The following ACTR5 variants were observed in gnomAD, a reference collection of about 807,000 sequenced individuals.
ACTR5 encodes actin-related protein 5.
ACTR5 carries 43 observed loss-of-function variants against 61.2 expected under a neutral mutation model. The observed-to-expected ratio is 0.70, with a 90% CI of 0.55 to 0.91. ACTR5 has a LOEUF of 0.91. Among genes scored for constraint, ACTR5 ranks in the 40% least tolerant of loss-of-function variants. The pLI, the probability that ACTR5 is intolerant of heterozygous loss-of-function variation, is 0.00. For missense variants in ACTR5, 798 were observed against 782.2 expected, an observed-to-expected ratio of 1.02 and a Z score of -0.24; for synonymous variants, 333 against 310.5, an observed-to-expected ratio of 1.07 and a Z score of -0.76.
chr20:38,770,428 A>G (rs978445858), intron 8 of ACTR5, among the ~76,000 whole-genome samples: 2 of 152,240 alleles, frequency 1.3e-5, no homozygotes, highest in Non-Finnish European at 2.9e-5. Flanking sequence ...TATACTTTCC[A>G]GTCGTTTTCA....
At chr20:38,753,100 A>C (rs1019469498) in intron 3 of ACTR5, among the ~76,000 whole-genome samples, 1 of 152,244 alleles carries the variant, frequency 6.6e-6, no homozygotes, top group African/African-American at 2.4e-5. Flanking sequence ...ATAATTGATG[A>C]GGACACTCAG....
chr20:38,752,429 T>G, intron 3 of ACTR5, 129 bp downstream of exon 3: 1 of 1,073,200 alleles, frequency 9.3e-7, no homozygotes, highest in Non-Finnish European at 1.3e-6. Context: ...ATTCCCTTTC[T>G]TAAACTATTC....
chr20:38,764,872 G>T (rs1254515828), intron 5 of ACTR5, among the ~76,000 whole-genome samples: 1 of 152,178 alleles, frequency 6.6e-6, no homozygotes, highest in Admixed American at 6.5e-5. Context: ...GTTTCACTCT[G>T]TTGCCCACGC....
In ACTR5 at chr20:38,756,020, T is replaced by G; in HGVS notation, c.1157T>G (p.Val386Gly). ...LQAEVNLEVD[V>G]VDSKPETPDL... Reference sequence around the variant, plus strand: ...GCGGAAGTCAACCTCGAGGTGGATGTGGTAGACAGCAAGCCAGAGGTAACT... The same window carrying G: ...GCGGAAGTCAACCTCGAGGTGGATGGGGTAGACAGCAAGCCAGAGGTAACT... Residue 386 changes from valine to glycine, a missense_variant, in exon 5 of 9, where the codon GTG becomes GGG. By Grantham distance (109) the Val-to-Gly change is moderately radical. Coordinates refer to ENST00000243903, the MANE Select transcript of ACTR5 (RefSeq NM_024855.4). The G allele has an allele frequency of 6.2e-7, 1 of 1,612,932 alleles. No homozygotes were observed.
chr20:38,765,281 A>G, intron 5 of ACTR5, 121 bp from the exon 6 acceptor site: 1 of 713,416 alleles, frequency 1.4e-6, no homozygotes, highest in African/African-American at 1.8e-5. Context: ...AAATTTTCAT[A>G]GTTTTTATGT....
Position 38,750,208 on chromosome 20 carries a change from T to G in ACTR5, c.574T>G (p.Cys192Gly). 6.2e-7 allele frequency: 1 copy of G among 1,614,188 alleles called. No homozygotes were observed. Among genetic ancestry groups the G allele is most frequent in the Non-Finnish European group, 8.5e-7 (1 of 1,180,012 alleles). Residue 192 changes from cysteine (C) to glycine (G), a missense_variant, in exon 2 of 9, where the codon TGT becomes GGT. Physicochemically the swap from Cys to Gly is radical, Grantham distance 159 (BLOSUM62 -3). Transcript: ENST00000243903. ...SGLIISSGYQ[C>G]THVLPILEGR... ...GCTAATCATTTCATCTGGATACCAG[T>G]GTACGCATGTTTTACCCATCTTAGA...
chr20:38,759,800 G>A (rs920913939), intron 5 of ACTR5, among the ~76,000 whole-genome samples: 2 of 152,144 alleles, frequency 1.3e-5, no homozygotes, highest in Non-Finnish European at 2.9e-5. Context: ...AAGCGTAGCA[G>A]GTATGGTGGT....
In ACTR5 at chr20:38,752,129, A is replaced by G; in HGVS notation, c.606-2A>G. 4.3e-6 allele frequency: 7 copies of G among 1,612,464 alleles called. No homozygotes were observed. The highest frequency in any genetic ancestry group is 5.1e-6 in the Non-Finnish European group (6 of 1,178,888). On this transcript the variant is annotated splice_acceptor_variant, in intron 2 of 8. Transcript: ENST00000243903. LOFTEE classifies it high-confidence loss of function. The stretch of plus-strand genomic sequence containing the variant: ...GTGCTGTTTTCTACTGCTTGGTTAT[A>G]GATTAGATGCTAAAAACTGCAAGCG...
Position 38,771,652 on chromosome 20 carries a change from A to G in ACTR5, c.1660A>G (p.Arg554Gly), listed in dbSNP as rs2084520717. 6.2e-7 allele frequency: 1 copy of G among 1,614,156 alleles called. No homozygotes were observed. Among genetic ancestry groups the G allele is most frequent in the African/African-American group, 1.3e-5 (1 of 75,046 alleles). Residue 554 changes from arginine (R) to glycine (G), a missense_variant, in exon 9 of 9, where the codon AGG (arginine) becomes GGG (glycine). Physicochemically the swap from Arg to Gly is moderately radical, Grantham distance 125. Coordinates refer to ENST00000243903, the MANE Select transcript of ACTR5 (RefSeq NM_024855.4). The part of the protein sequence containing the change: ...HLDDNEVWIT[R>G]KEYEEKGGEY... ...AGATGATAATGAAGTTTGGATCACCAGGAAAGAGTATGAAGAAAAGGGAGG... is the reference window on the plus strand; with the variant it reads ...AGATGATAATGAAGTTTGGATCACCGGGAAAGAGTATGAAGAAAAGGGAGG...
rs145922254 is a variant in ACTR5, at chr20:38,750,087, T to G, written c.453T>G (p.Leu151=). The stretch of plus-strand genomic sequence containing the variant: ...ATTCACGGCAAATGATGTCTGAGCT[T>G]CTTTTTGAGTGCTACGGGATTCCCA... The part of the protein sequence containing the change: ...PLYSRQMMSE[L]LFECYGIPKV... Residue 151 remains leucine (L), a synonymous_variant, in exon 2 of 9, where the codon CTT becomes CTG. Coordinates refer to ENST00000243903, the MANE Select transcript of ACTR5 (RefSeq NM_024855.4). 3.2e-5 allele frequency: 51 copies of G among 1,614,098 alleles called. No homozygotes were observed. The highest frequency in any genetic ancestry group is 4.0e-5 in the Non-Finnish European group (47 of 1,180,038).
chr20:38,748,576 T>C lies in ACTR5; in HGVS notation c.98T>C (p.Leu33Pro). The C allele has an allele frequency of 6.6e-7, 1 of 1,521,654 alleles. No individual in the cohort carries two copies. The highest frequency in any genetic ancestry group is 1.2e-5 in the South Asian group (1 of 81,446). 94.3% of individuals were successfully genotyped at this position (1,521,654 alleles called of 1,614,324 possible). ...PVAHGPLPVP[L>P]VLDNGSFQVR... is the part of the protein sequence containing the mutation. ...GCACACGGGCCACTGCCGGTACCGC[T>C]GGTGCTGGACAACGGGTCGTTCCAA... The change falls in exon 1 of 9, where the codon CTG becomes CCG. Residue 33 changes from leucine to proline, a missense_variant. Transcript: ENST00000243903.
At position 38,750,053 on chromosome 20, in the gene ACTR5, A is replaced by G. The variant is rs527829435; in HGVS notation, c.419A>G (p.Asn140Ser). 64 of 1,614,164 alleles carry G rather than the reference A, an allele frequency of 4.0e-5. 1 individual carries two copies. In the South Asian group the frequency reaches 6.7e-4, roughly 17 times the overall value. The change falls in exon 2 of 9, where the codon AAC becomes AGC. Residue 140 changes from asparagine to serine, a missense_variant. By Grantham distance (46) the Asn-to-Ser change is conservative. Transcript: ENST00000243903. ...ATAGTTTTGACAGAAGCTGTGTGCA[A>G]CCCACTGTATTCACGGCAAATGATG... ...HPIVLTEAVC[N>S]PLYSRQMMSE...
At chr20:38,761,552 A>G (rs1167113293) in intron 5 of ACTR5, 1 of 152,456 alleles carries the variant, frequency 6.6e-6, no homozygotes, top group Non-Finnish European at 1.5e-5. Flanking sequence ...TCTGGCTGCG[A>G]TATCTGTCAC....
chr20:38,755,985 A>T lies in ACTR5; in HGVS notation c.1122A>T (p.Lys374Asn), dbSNP rs1458763557. 7 of 1,614,004 alleles carry T rather than the reference A, an allele frequency of 4.3e-6. No individual in the cohort carries two copies. The highest frequency in any genetic ancestry group is 5.9e-6 in the Non-Finnish European group (7 of 1,180,028). The part of the protein sequence containing the change: ...LSIAVEQAKQ[K>N]ILQAEVNLEV... ...TAGCAGTGGAGCAGGCTAAGCAGAA[A>T]ATCCTCCAAGCGGAAGTCAACCTCG... Residue 374 changes from lysine (K) to asparagine (N), a missense_variant, in exon 5 of 9, where the codon AAA becomes AAT. By Grantham distance (94) the Lys-to-Asn change is moderately conservative. Transcript: ENST00000243903.
chr20:38,765,648 T>C, intron 6 of ACTR5, 130 bp downstream of exon 6: 2 of 725,890 alleles, frequency 2.8e-6, no homozygotes, highest in South Asian at 3.8e-5. Context: ...ACTTAAAACA[T>C]CTGAAATCAG....
At chr20:38,762,550 CCTT>C (rs1447944399) in intron 5 of ACTR5, among the ~76,000 whole-genome samples, 1 of 152,100 alleles carries the variant, frequency 6.6e-6, no homozygotes, top group African/African-American at 2.4e-5. Flanking sequence ...ACTGTTGTGA[CCTT>C]CTTTTAAAAA....
rs1307326251 is a variant in ACTR5 at position 38,765,512 on chromosome 20, T to C, written c.1287T>C (p.Thr429=). ...ETPGVEKPVT[T]VQPVFNLAAY... ...CTGGAGTGGAGAAGCCGGTCACCAC[T>C]GTTCAGGTTTGACTTCTACAGCCCA... The change falls in exon 6 of 9, where the codon ACT becomes ACC. Residue 429 remains threonine, a synonymous_variant. Transcript: ENST00000243903. 6.8e-6 allele frequency: 11 copies of C among 1,613,468 alleles called. No homozygotes were observed. Among genetic ancestry groups the C allele is most frequent in the Non-Finnish European group, 9.3e-6 (11 of 1,179,480 alleles).
Position 38,771,878 on chromosome 20 carries a change from A to T in ACTR5, c.*62A>T. 6.5e-7 allele frequency: 1 copy of T among 1,543,926 alleles called. No individual in the cohort carries two copies. The highest frequency in any genetic ancestry group is 8.7e-7 in the Non-Finnish European group (1 of 1,149,410). On this transcript the variant is annotated 3_prime_UTR_variant, in exon 9 of 9. Coordinates refer to ENST00000243903, the MANE Select transcript of ACTR5 (RefSeq NM_024855.4). The stretch of plus-strand genomic sequence containing the variant: ...CCTTGGGCCACGTTGGCAGTGTGAC[A>T]GGACTGTGATTGTGCTAGATGTACC...
Position 38,751,512 on chromosome 20 carries a change from A to G in ACTR5, c.606-619A>G, listed in dbSNP as rs186469056. Among the ~76,000 whole-genome samples, 271 of 152,342 alleles carry G rather than the reference A, an allele frequency of 1.8e-3. 1 individual carries two copies. Among genetic ancestry groups the G allele is most frequent in the Admixed American group, 3.9e-3 (59 of 15,302 alleles). On this transcript the variant is annotated intron_variant, in intron 2 of 8. Transcript: ENST00000243903. Reference sequence around the variant, plus strand: ...GGCTGGGAAATTATCAGAGTGAATCATATCGTGTTCTATGCTGGCATCTGC... The same window carrying G: ...GGCTGGGAAATTATCAGAGTGAATCGTATCGTGTTCTATGCTGGCATCTGC...
Sources: allele counts gnomAD v4.1 joint callset (sites outside exome capture counted in the v4.1 genomes callset), GRCh38; gene constraint gnomAD v4.1.1; transcripts MANE v1.5; gene names NCBI Gene and HGNC (gene_info 2026-07-23, HGNC 2026-07-21).